TEX11: variants seen among roughly 807,000 people sequenced by gnomAD.
The protein encoded by TEX11 is testis expressed 11.
TEX11 carries 7 observed loss-of-function variants against 84.4 expected under a neutral mutation model. The observed-to-expected ratio is 0.08, with a 90% confidence interval of 0.05 to 0.16. TEX11 has a LOEUF of 0.16. Among genes scored for constraint, TEX11 ranks in the 10% least tolerant of loss-of-function variants. TEX11 has a pLI of 1.00. For synonymous variants in TEX11, 264 were observed against 222.8 expected (o/e 1.18, Z -1.64); for missense variants, 551 against 660.5 (o/e 0.83, Z 1.82).
At chrX:70,880,621 A>C (rs1006362495) in intron 2 of TEX11, among the ~76,000 whole-genome samples, 9 of 111,044 alleles carry the variant, frequency 8.1e-5, no homozygotes, top group Admixed American at 6.8e-4. Flanking sequence ...TCAAAACCAG[A>C]AAATGTAGAA....
At chrX:70,800,644 C>A (rs2091181550) in intron 9 of TEX11, among the ~76,000 whole-genome samples, 1 of 103,141 alleles carries the variant, frequency 9.7e-6, no homozygotes, top group Admixed American at 1.0e-4. Context: ...GTGGTGATTT[C>A]TTAGGATTCT....
chrX:70,515,324 A>G, the TEX11 span, among the ~76,000 whole-genome samples: 1 of 92,782 alleles, frequency 1.1e-5, no homozygotes, highest in Non-Finnish European at 2.1e-5. Context: ...ACTGTGTCCG[A>G]GTCTTCTCAT....
chrX:70,702,393 A>T (rs1249324314), intron 13 of TEX11, among the ~76,000 whole-genome samples: 1 of 112,089 alleles, frequency 8.9e-6, no homozygotes, highest in Non-Finnish European at 1.9e-5. Flanking sequence ...TTAAAATTAA[A>T]GTATGCACAT....
downstream of TEX11, among the ~76,000 whole-genome samples, chrX:70,527,258 T>A (rs2087831662): frequency 8.9e-6 from 1 of 112,308 alleles, no homozygotes; most frequent in African/African-American, 3.2e-5. Flanking sequence ...TATTAACCAC[T>A]AAGTACAAAA....
chrX:70,581,294 C>CTTT (rs35102694), intron 25 of TEX11, among the ~76,000 whole-genome samples: 133 of 43,630 alleles, frequency 3.0e-3, no homozygotes, highest in African/African-American at 0.011. Context: ...TATACTGTTG[C>CTTT]TTTTTTTTTT....
intron 4 of TEX11, among the ~76,000 whole-genome samples, chrX:70,861,218 C>T (rs1343288487): frequency 2.9e-5 from 3 of 104,646 alleles, no homozygotes; most frequent in African/African-American, 1.0e-4. Flanking sequence ...CCCGCCACTA[C>T]GCCCGGCTAA....
intron 7 of TEX11, 98 bp from the exon 8 acceptor site, chrX:70,833,691 A>G (rs1417915368): frequency 4.2e-5 from 28 of 662,872 alleles, no homozygotes; most frequent in Non-Finnish European, 6.2e-5. Context: ...TAAAAGTCTT[A>G]TTTTGTTTTC....
At chrX:70,610,955 G>A (rs1480086141) in intron 20 of TEX11, among the ~76,000 whole-genome samples, 2 of 112,311 alleles carry the variant, frequency 1.8e-5, no homozygotes, top group Admixed American at 9.5e-5. Flanking sequence ...TTGAGCTGCT[G>A]TGGTTGAACG....
At chrX:70,885,021 G>A (rs771425476) in intron 2 of TEX11, among the ~76,000 whole-genome samples, 5 of 111,140 alleles carry the variant, frequency 4.5e-5, no homozygotes, top group African/African-American at 1.6e-4. Flanking sequence ...GCTGCTCAGG[G>A]GAGAATGGGA....
chrX:70,791,112 A>G (rs1296039612), intron 9 of TEX11, among the ~76,000 whole-genome samples: 2 of 111,391 alleles, frequency 1.8e-5, no homozygotes, highest in Admixed American at 1.9e-4. Context: ...ATCATCTGCT[A>G]TCTTTAAGAG....
At chrX:70,725,170 C>T (rs2090590138) in intron 12 of TEX11, 92 bp downstream of exon 12, 4 of 492,034 alleles carry the variant, frequency 8.1e-6, no homozygotes, top group Non-Finnish European at 1.3e-5. Flanking sequence ...CATCAAATTA[C>T]ACCTATTGTT....
intron 7 of TEX11, among the ~76,000 whole-genome samples, chrX:70,852,061 T>C (rs2091511422): frequency 8.9e-6 from 1 of 112,386 alleles, no homozygotes; most frequent in Non-Finnish European, 1.9e-5. Context: ...GTGGTGAATA[T>C]TGCACAATTC....
chrX:70,619,176 TG>T (rs2147542940), intron 20 of TEX11, among the ~76,000 whole-genome samples: 1 of 111,707 alleles, frequency 9.0e-6, no homozygotes, highest in Admixed American at 9.5e-5. Flanking sequence ...AGCAAGACCA[TG>T]GCTGCAACTA....
intron 2 of TEX11, among the ~76,000 whole-genome samples, chrX:70,885,174 G>T (rs2091701443): frequency 9.8e-6 from 1 of 102,160 alleles, no homozygotes; most frequent in Non-Finnish European, 2.2e-5. Flanking sequence ...AAGCCTAATT[G>T]GGGGGGCCCT....
At chrX:70,622,769 T>A (rs2089409635) in intron 20 of TEX11, among the ~76,000 whole-genome samples, 1 of 111,802 alleles carries the variant, frequency 8.9e-6, no homozygotes, top group South Asian at 3.7e-4. Flanking sequence ...TAACTCATCA[T>A]CAATCTTATC....
chrX:70,589,408 C>T (rs2088897493), intron 25 of TEX11, among the ~76,000 whole-genome samples: 1 of 107,713 alleles, frequency 9.3e-6, no homozygotes, highest in Non-Finnish European at 1.9e-5. Flanking sequence ...TATAGAGAGG[C>T]ATTTATCTCT....
At chrX:70,816,016 T>C (rs986773835) in intron 8 of TEX11, among the ~76,000 whole-genome samples, 8 of 111,541 alleles carry the variant, frequency 7.2e-5, no homozygotes, top group African/African-American at 2.6e-4. Flanking sequence ...GAGATTTTGG[T>C]GTACCCATCA....
intron 16 of TEX11, among the ~76,000 whole-genome samples, chrX:70,664,586 A>G (rs1206009523): frequency 9.0e-6 from 1 of 111,223 alleles, no homozygotes; most frequent in Non-Finnish European, 1.9e-5. Flanking sequence ...ATTATTTTCT[A>G]ATTATTTTAT....
intron 7 of TEX11, among the ~76,000 whole-genome samples, chrX:70,839,572 A>T (rs778048129): frequency 8.9e-6 from 1 of 112,068 alleles, no homozygotes; most frequent in Non-Finnish European, 1.9e-5. Context: ...AAACTCTAAA[A>T]GTCAGAGCGC....
Sources: gnomAD v4.1 joint callset for allele counts (sites outside exome capture counted in the v4.1 genomes callset) on GRCh38, gnomAD v4.1.1 for gene constraint, MANE v1.5 for transcripts, NCBI Gene and HGNC (gene_info 2026-07-23, HGNC 2026-07-21) for gene names.